AFG2A: variants seen among roughly 807,000 people sequenced by gnomAD.
AFG2A encodes ATPase family gene 2 protein homolog A.
the AFG2A span, among the ~76,000 whole-genome samples, chr4:122,970,117 C>G: frequency 2.6e-5 from 4 of 152,210 alleles, no homozygotes; most frequent in Non-Finnish European, 4.4e-5. Flanking sequence ...TTGCTCAGCA[C>G]ATACTCACTG....
At chr4:123,036,226 T>G in the AFG2A span, among the ~76,000 whole-genome samples, 511 of 152,292 alleles carry the variant, frequency 3.4e-3, 3 homozygotes, top group Middle Eastern at 0.014. Flanking sequence ...ACAACTAACA[T>G]GAAGAAACAG....
the AFG2A span, among the ~76,000 whole-genome samples, chr4:123,059,343 C>G: frequency 5.2e-4 from 72 of 138,370 alleles, no homozygotes; most frequent in South Asian, 0.018. Context: ...GTGATGTTCC[C>G]CTTCCGGTGT....
chr4:122,940,350 T>A, the AFG2A span, among the ~76,000 whole-genome samples: 131 of 152,316 alleles, frequency 8.6e-4, 1 homozygote, highest in African/African-American at 2.9e-3. Flanking sequence ...GGTATCTCAT[T>A]GTGGTTTTGA....
the AFG2A span, among the ~76,000 whole-genome samples, chr4:123,129,455 C>T: frequency 6.6e-6 from 1 of 151,954 alleles, no homozygotes; most frequent in Non-Finnish European, 1.5e-5. Context: ...AATATATTCT[C>T]TATTTTGAGG....
the AFG2A span, among the ~76,000 whole-genome samples, chr4:123,127,574 A>G: frequency 6.6e-6 from 1 of 152,150 alleles, no homozygotes; most frequent in Non-Finnish European, 1.5e-5. Flanking sequence ...TTTAAATAAA[A>G]GGAATTAATT....
chr4:123,136,147 C>T, the AFG2A span, among the ~76,000 whole-genome samples: 1 of 152,118 alleles, frequency 6.6e-6, no homozygotes, highest in Non-Finnish European at 1.5e-5. Flanking sequence ...TTAGTCTTTA[C>T]ATTTATTAAT....
At chr4:123,101,405 T>C in the AFG2A span, among the ~76,000 whole-genome samples, 2 of 151,940 alleles carry the variant, frequency 1.3e-5, no homozygotes, top group Non-Finnish European at 2.9e-5. Context: ...TATTCATTCA[T>C]TGAAATTCAG....
At chr4:123,048,001 A>G in the AFG2A span, among the ~76,000 whole-genome samples, 1 of 152,134 alleles carries the variant, frequency 6.6e-6, no homozygotes, top group African/African-American at 2.4e-5. Context: ...GCCTAGCCAC[A>G]TTTAAGCCTT....
At chr4:123,110,866 C>G in the AFG2A span, among the ~76,000 whole-genome samples, 125 of 152,336 alleles carry the variant, frequency 8.2e-4, 1 homozygote, top group African/African-American at 2.9e-3. Flanking sequence ...GCAGGACTTT[C>G]TGTCTCCCCA....
chr4:123,272,993 A>G, the AFG2A span, among the ~76,000 whole-genome samples: 1 of 152,222 alleles, frequency 6.6e-6, no homozygotes, highest in East Asian at 1.9e-4. Context: ...GGAAGATCAC[A>G]GAGGACTGTG....
At chr4:123,012,651 G>A in the AFG2A span, among the ~76,000 whole-genome samples, 15 of 152,246 alleles carry the variant, frequency 9.9e-5, no homozygotes, top group South Asian at 2.7e-3. Context: ...TTCGGTCCAC[G>A]GATAAAACGC....
At chr4:123,146,907 C>T in the AFG2A span, among the ~76,000 whole-genome samples, 11 of 152,170 alleles carry the variant, frequency 7.2e-5, no homozygotes, top group Non-Finnish European at 1.5e-4. Context: ...TGTCATGTCA[C>T]ATTGTTCATA....
chr4:123,109,555 A>G, the AFG2A span, among the ~76,000 whole-genome samples: 2 of 152,172 alleles, frequency 1.3e-5, no homozygotes, highest in Non-Finnish European at 2.9e-5. Flanking sequence ...CTGAAGCAAT[A>G]ATAATATTGA....
chr4:123,251,554 A>G, the AFG2A span, among the ~76,000 whole-genome samples: 1 of 152,158 alleles, frequency 6.6e-6, no homozygotes. Context: ...AATAATATCT[A>G]ATTCCCAAAA....
chr4:122,938,330 CAG>C, the AFG2A span: 1 of 1,316,340 alleles, frequency 7.6e-7, no homozygotes, highest in South Asian at 2.7e-5. Flanking sequence ...TTGAATGTGT[CAG>C]AGTCTTTGGA....
the AFG2A span, among the ~76,000 whole-genome samples, chr4:122,938,920 A>C: frequency 6.6e-6 from 1 of 151,970 alleles, no homozygotes; most frequent in African/African-American, 2.4e-5. Flanking sequence ...AAGAAATGTC[A>C]TGAGTAAGTC....
At chr4:122,968,168 G>C in the AFG2A span, among the ~76,000 whole-genome samples, 1 of 152,008 alleles carries the variant, frequency 6.6e-6, no homozygotes, top group African/African-American at 2.4e-5. Context: ...ATTTTAAACT[G>C]CAGTTTATAA....
At chr4:122,983,859 T>C in the AFG2A span, among the ~76,000 whole-genome samples, 1,842 of 152,272 alleles carry the variant, frequency 0.012, 42 homozygotes, top group African/African-American at 0.041. Flanking sequence ...ACTTGCTGGG[T>C]GGCTAGACCT....
At chr4:123,309,231 G>A in the AFG2A span, among the ~76,000 whole-genome samples, 105,088 of 152,084 alleles carry the variant, frequency 0.69, 38,445 homozygotes, top group Non-Finnish European at 0.81. Flanking sequence ...CAAATAACTT[G>A]GACTGGGCAA....
Sources: allele counts gnomAD v4.1 joint callset (sites outside exome capture counted in the v4.1 genomes callset), GRCh38; gene constraint gnomAD v4.1.1; transcripts MANE v1.5; gene names NCBI Gene and HGNC (gene_info 2026-07-23, HGNC 2026-07-21).